The following PDE8B variants were observed in gnomAD, a reference collection of about 807,000 sequenced individuals.
PDE8B encodes the protein phosphodiesterase 8B.
A neutral mutation model predicts 101.3 loss-of-function variants in PDE8B; 26 were observed. That is an observed-to-expected ratio of 0.26 (90% CI 0.19 to 0.36). The LOEUF is 0.36. Among genes scored for constraint, PDE8B ranks in the 10% least tolerant of loss-of-function variants. PDE8B has a pLI of 1.00. For missense variants in PDE8B, 810 were observed against 1,163.1 expected, an observed-to-expected ratio of 0.70 and a Z score of 4.42; for synonymous variants, 424 against 429.3, an observed-to-expected ratio of 0.99 and a Z score of 0.15.
chr5:77,331,782 C>T (rs1350308464), intron 5 of PDE8B, among the ~76,000 whole-genome samples: 1 of 152,126 alleles, frequency 6.6e-6, no homozygotes, highest in East Asian at 1.9e-4. Context: ...ACAGTCAATT[C>T]GATTTAATGT....
intron 1 of PDE8B, among the ~76,000 whole-genome samples, chr5:77,305,706 A>G (rs1423278420): frequency 6.6e-6 from 1 of 152,176 alleles, no homozygotes; most frequent in Admixed American, 6.5e-5. Context: ...CGAATAAAGA[A>G]CTAAGTTTGG....
chr5:77,204,789 A>G, the PDE8B span, among the ~76,000 whole-genome samples: 1 of 152,102 alleles, frequency 6.6e-6, no homozygotes, highest in Admixed American at 6.6e-5. Flanking sequence ...AACTACTATA[A>G]AAGAATTGAC....
intron 10 of PDE8B, among the ~76,000 whole-genome samples, chr5:77,393,946 C>T (rs924699054): frequency 6.6e-6 from 1 of 152,188 alleles, no homozygotes; most frequent in Admixed American, 6.5e-5. Flanking sequence ...AATGTCAATT[C>T]CTCAAAGCAG....
chr5:77,360,488 T>A (rs1438799570), intron 10 of PDE8B, among the ~76,000 whole-genome samples: 1 of 152,222 alleles, frequency 6.6e-6, no homozygotes, highest in Non-Finnish European at 1.5e-5. Context: ...AGTTGGTGGC[T>A]GACTTTTCAG....
the PDE8B span, among the ~76,000 whole-genome samples, chr5:77,090,463 C>T: frequency 2.0e-5 from 3 of 152,216 alleles, no homozygotes; most frequent in East Asian, 3.9e-4. Context: ...TTAGTAGAGA[C>T]GGGGTTTCAC....
At chr5:77,273,207 G>T (rs894927928) in intron 1 of PDE8B, among the ~76,000 whole-genome samples, 1 of 152,136 alleles carries the variant, frequency 6.6e-6, no homozygotes, top group Admixed American at 6.5e-5. Context: ...TCCCATTTAT[G>T]TACTTTCTAT....
chr5:77,305,704 G>A (rs953416627), intron 1 of PDE8B, among the ~76,000 whole-genome samples: 1 of 152,188 alleles, frequency 6.6e-6, no homozygotes, highest in African/African-American at 2.4e-5. Flanking sequence ...GACGAATAAA[G>A]AACTAAGTTT....
At chr5:77,290,292 C>A in intron 1 of PDE8B, 1 of 1,549,972 alleles carries the variant, frequency 6.5e-7, no homozygotes, top group South Asian at 1.2e-5. Context: ...CATCAATCAG[C>A]CCCAGTATGC....
chr5:77,218,509 G>C (rs1371574690), intron 1 of PDE8B, among the ~76,000 whole-genome samples: 1 of 152,238 alleles, frequency 6.6e-6, no homozygotes, highest in Non-Finnish European at 1.5e-5. Context: ...CACACAGCCT[G>C]AAGCCCTAAG....
chr5:77,128,309 C>G, the PDE8B span, among the ~76,000 whole-genome samples: 1 of 152,182 alleles, frequency 6.6e-6, no homozygotes, highest in Non-Finnish European at 1.5e-5. Flanking sequence ...AGTGACCGTC[C>G]TGGCTACCTG....
chr5:77,104,444 G>A, the PDE8B span: 10 of 152,138 alleles, frequency 6.6e-5, no homozygotes, highest in Admixed American at 4.6e-4. Context: ...CTCCTTCCTC[G>A]TGAATGGGAT....
the PDE8B span, among the ~76,000 whole-genome samples, chr5:77,106,413 C>A: frequency 6.6e-6 from 1 of 152,172 alleles, no homozygotes; most frequent in Non-Finnish European, 1.5e-5. Context: ...CCGAAGCACC[C>A]CTTTTCCCCC....
chr5:77,342,807 A>G (rs10064824), intron 6 of PDE8B, among the ~76,000 whole-genome samples: 48,660 of 152,004 alleles, frequency 0.32, 8,356 homozygotes, highest in East Asian at 0.59. Flanking sequence ...CAGAGGTGCA[A>G]TGAACCAGCA....
Position 77,407,465 on chromosome 5 carries a change from G to A in PDE8B, c.1365+8G>A. 1.9e-6 allele frequency: 3 copies of A among 1,604,206 alleles called. No individual in the cohort carries two copies. Among genetic ancestry groups the A allele is most frequent in the Non-Finnish European group, 2.6e-6 (3 of 1,171,394 alleles). On this transcript the variant is annotated splice_region_variant and intron_variant, in intron 13 of 21. Coordinates refer to ENST00000264917, the MANE Select transcript of PDE8B (RefSeq NM_003719.5). ...GAGGCTCCCATCACAAAGGTGAGTG[G>A]CGGCTGCTGCCTGCACTCTGCAGTC... is the stretch of plus-strand genomic sequence containing the variant.
rs540466289 is a variant in PDE8B at position 77,232,567 on chromosome 5, G to A, written c.339+21303G>A. 2.0e-5 allele frequency among the ~76,000 whole-genome samples: 3 copies of A among 152,336 alleles called. No homozygotes were observed. The East Asian group carries it at 5.8e-4, about 29-fold the overall frequency. ...TAGCTGCATATATCATCTCCTTGCAGACATAGCTGGGAATTATTTTGCTGC... is the reference window on the plus strand; with the variant it reads ...TAGCTGCATATATCATCTCCTTGCAAACATAGCTGGGAATTATTTTGCTGC... On this transcript the variant is annotated intron_variant, in intron 1 of 21. Transcript: ENST00000264917.
At chr5:77,114,403 TCA>T in the PDE8B span, 2 of 151,810 alleles carry the variant, frequency 1.3e-5, no homozygotes, top group Non-Finnish European at 2.9e-5. Context: ...CAGCAAACTA[TCA>T]CAAGGACAGA....
the PDE8B span, among the ~76,000 whole-genome samples, chr5:77,170,074 C>T: frequency 3.0e-4 from 45 of 152,158 alleles, no homozygotes; most frequent in Admixed American, 2.4e-3. Flanking sequence ...GAACTAGGGT[C>T]CTGTTGAGTA....
At chr5:77,393,289 G>A (rs950045000) in intron 10 of PDE8B, among the ~76,000 whole-genome samples, 4 of 152,054 alleles carry the variant, frequency 2.6e-5, no homozygotes, top group Non-Finnish European at 4.4e-5. Flanking sequence ...AGCTACTCGG[G>A]TGGCTGAGGC....
intron 2 of PDE8B, among the ~76,000 whole-genome samples, chr5:77,319,076 A>C (rs146301149): frequency 9.5e-4 from 145 of 152,328 alleles, no homozygotes; most frequent in African/African-American, 3.3e-3. Flanking sequence ...GATATGTTTC[A>C]GCTTTCTTTG....
Sources: gnomAD v4.1 joint callset for allele counts (sites outside exome capture counted in the v4.1 genomes callset) on GRCh38, gnomAD v4.1.1 for gene constraint, MANE v1.5 for transcripts, NCBI Gene and HGNC (gene_info 2026-07-23, HGNC 2026-07-21) for gene names.